The following HMGB1 variants were observed in gnomAD, a reference collection of about 807,000 sequenced individuals.
The protein encoded by HMGB1 is high mobility group box 1, also known as high mobility group protein B1.
For missense variants in HMGB1, 79 were observed against 253.5 expected (o/e 0.31, Z 4.67); for synonymous variants, 81 against 84.0 (o/e 0.96, Z 0.19).
At chr13:30,568,337 G>A (rs929448793) in intron 1 of HMGB1, among the ~76,000 whole-genome samples, 8 of 152,036 alleles carry the variant, frequency 5.3e-5, no homozygotes, top group South Asian at 2.1e-4. Flanking sequence ...TGAGACCCCC[G>A]TCTCTATAAG....
chr13:30,538,495 T>TTTC (rs1566018750), intron 1 of HMGB1, among the ~76,000 whole-genome samples: 3 of 44,056 alleles, frequency 6.8e-5, no homozygotes, highest in Non-Finnish European at 1.8e-4. Context: ...TCTTTCTTTC[T>TTTC]TTCTTTCTTT....
intron 1 of HMGB1, among the ~76,000 whole-genome samples, chr13:30,578,378 T>C (rs1870754980): frequency 7.6e-6 from 1 of 131,892 alleles, no homozygotes; most frequent in African/African-American, 3.3e-5. Flanking sequence ...CTTTTTTTTT[T>C]TTTTTTTTTT....
intron 1 of HMGB1, among the ~76,000 whole-genome samples, chr13:30,472,780 C>T (rs949884393): frequency 1.3e-5 from 2 of 151,762 alleles, no homozygotes; most frequent in African/African-American, 4.8e-5. Flanking sequence ...GGAGAGGAAA[C>T]GCTAACCCAA....
chr13:30,550,430 A>G (rs1226223507), intron 1 of HMGB1, among the ~76,000 whole-genome samples: 1 of 152,214 alleles, frequency 6.6e-6, no homozygotes, highest in Non-Finnish European at 1.5e-5. Flanking sequence ...ATGAGAGTAC[A>G]TATCCTCCCT....
rs990476494 is a variant in HMGB1, at chr13:30,554,087, G to A, written c.-15+62584C>T. 2.5e-5 allele frequency: 32 copies of A among 1,297,872 alleles called. No homozygotes were observed. The African/African-American group carries it at 3.4e-4, about 14-fold the overall frequency. The allele number at this position is 1,297,872 out of a possible 1,614,324, so 80.4% of individuals were successfully genotyped here. Reference sequence around the variant, plus strand: ...ACCAAAAGATGCTGTTTAAAGAAACGGGATTCAATGTGAAGCTCTTTCAGA... The same window carrying A: ...ACCAAAAGATGCTGTTTAAAGAAACAGGATTCAATGTGAAGCTCTTTCAGA... On this transcript the variant is annotated intron_variant, in intron 1 of 4. Coordinates refer to the HMGB1 transcript ENST00000405805.
chr13:30,600,657 A>G (rs1422495918), intron 1 of HMGB1, among the ~76,000 whole-genome samples: 1 of 151,944 alleles, frequency 6.6e-6, no homozygotes, highest in African/African-American at 2.4e-5. Flanking sequence ...ACCAGGCTGG[A>G]GTGCAATGGC....
intron 1 of HMGB1, among the ~76,000 whole-genome samples, chr13:30,521,610 C>A (rs958072224): frequency 6.6e-6 from 1 of 152,160 alleles, no homozygotes; most frequent in Non-Finnish European, 1.5e-5. Context: ...TATTTATTCA[C>A]TCATCAGTTG....
At chr13:30,554,427 A>G in intron 1 of HMGB1, 2 of 837,924 alleles carry the variant, frequency 2.4e-6, no homozygotes, top group Non-Finnish European at 4.2e-6. Context: ...AACATGAGAA[A>G]ATACTGAATG....
At chr13:30,504,992 A>G (rs1887818832) in intron 1 of HMGB1, among the ~76,000 whole-genome samples, 1 of 152,016 alleles carries the variant, frequency 6.6e-6, no homozygotes, top group Admixed American at 6.6e-5. Flanking sequence ...TCTTTTTGAG[A>G]GAGAGTCTCA....
chr13:30,547,042 A>T (rs986361101), intron 1 of HMGB1, among the ~76,000 whole-genome samples: 2 of 152,232 alleles, frequency 1.3e-5, no homozygotes, highest in Non-Finnish European at 2.9e-5. Flanking sequence ...CAAGGAGCAG[A>T]GATAATGTGT....
intron 1 of HMGB1, among the ~76,000 whole-genome samples, chr13:30,507,995 T>C (rs1887907030): frequency 1.3e-5 from 2 of 151,802 alleles, no homozygotes; most frequent in African/African-American, 2.4e-5. Context: ...AGACTCTCTC[T>C]CTAAAAAAGA....
At chr13:30,464,521 G>C in intron 1 of HMGB1, 4 of 984,706 alleles carry the variant, frequency 4.1e-6, no homozygotes, top group Non-Finnish European at 4.8e-6. Context: ...GAGGAGAGAG[G>C]ACGCGGCCCG....
At position 30,608,196 on chromosome 13, in the gene HMGB1, C is replaced by CTCAGCTAA. The variant is rs537480708; in HGVS notation, c.-15+8467_-15+8474dup. ...CATAAGAGGCTCCGAACTGGAGCCACTCAGCTAAACCACTCCCAGATTCCT... is the reference window on the plus strand; with the variant it reads ...CATAAGAGGCTCCGAACTGGAGCCACTCAGCTAATCAGCTAAACCACTCCCAGATTCCT... On this transcript the variant is annotated intron_variant, in intron 1 of 4. Coordinates refer to the HMGB1 transcript ENST00000405805. 9.8e-5 allele frequency among the ~76,000 whole-genome samples: 15 copies of CTCAGCTAA among 152,298 alleles called. No homozygotes were observed. The South Asian group carries it at 3.1e-3, about 32-fold the overall frequency.
intron 1 of HMGB1, among the ~76,000 whole-genome samples, chr13:30,557,542 T>C (rs1869740898): frequency 6.6e-6 from 1 of 152,210 alleles, no homozygotes; most frequent in Non-Finnish European, 1.5e-5. Flanking sequence ...CTCCAATAAA[T>C]GTTGACCTAA....
rs368275114 is a variant in HMGB1, at chr13:30,606,240, AAT to A, written c.-15+10429_-15+10430del. Among the ~76,000 whole-genome samples, 77 of 152,326 alleles carry A rather than the reference AAT, an allele frequency of 5.1e-4. 3 individuals are homozygous for A. The South Asian group carries it at 0.015, about 29-fold the overall frequency. ...TGAATACATTTATTACTCTTGGCAC[AAT>A]AGTCTAACATTTCCCAATTTCCTTA... On this transcript the variant is annotated intron_variant, in intron 1 of 4. Transcript: ENST00000405805.
chr13:30,471,685 T>TTTTTTTTGG (rs1886942839), intron 1 of HMGB1, among the ~76,000 whole-genome samples: 1 of 84,170 alleles, frequency 1.2e-5, no homozygotes, highest in Non-Finnish European at 2.2e-5. Flanking sequence ...TTTTTTTTTT[T>TTTTTTTTGG]GAGATGGAGT....
At chr13:30,554,145 T>A (rs1197291938) in intron 1 of HMGB1, 44 of 1,301,722 alleles carry the variant, frequency 3.4e-5, no homozygotes, top group Admixed American at 3.2e-4. Context: ...GTACATCTAC[T>A]ACGATTAGAA....
At chr13:30,594,250 T>C (rs1201035123) in intron 1 of HMGB1, among the ~76,000 whole-genome samples, 1 of 152,248 alleles carries the variant, frequency 6.6e-6, no homozygotes. Flanking sequence ...ATTCCGGGGA[T>C]ACACGTGCAG....
chr13:30,528,281 C>T (rs951065365), intron 1 of HMGB1, among the ~76,000 whole-genome samples: 5 of 152,152 alleles, frequency 3.3e-5, no homozygotes, highest in African/African-American at 7.2e-5. Flanking sequence ...TCTTTCATGG[C>T]CAACCACAAC....
Sources: allele counts gnomAD v4.1 joint callset (sites outside exome capture counted in the v4.1 genomes callset), GRCh38; gene constraint gnomAD v4.1.1; transcripts MANE v1.5; gene names NCBI Gene and HGNC (gene_info 2026-07-23, HGNC 2026-07-21).